UGT3A1: variants seen among roughly 807,000 people sequenced by gnomAD.
The protein encoded by UGT3A1 is UDP-glycosyltransferase 3A1.
In UGT3A1, 40 loss-of-function variants were observed where a neutral mutation model predicts 37.6. The ratio of observed to expected loss-of-function variants is 1.06; its 90% CI spans 0.83 to 1.38. The LOEUF is 1.38. UGT3A1 is among the 40% of genes most tolerant of loss of function. The pLI, the probability that UGT3A1 is intolerant of heterozygous loss-of-function variation, is 0.00. For synonymous variants in UGT3A1, 256 were observed against 232.3 expected, an observed-to-expected ratio of 1.10 and a Z score of -0.93; for missense variants, 642 against 634.2, an observed-to-expected ratio of 1.01 and a Z score of -0.13.
chr5:35,958,983 AG>A (rs1693173599), intron 4 of UGT3A1, among the ~76,000 whole-genome samples: 5 of 152,366 alleles, frequency 3.3e-5, no homozygotes, highest in Admixed American at 3.3e-4. Flanking sequence ...GGGATACTGC[AG>A]ACCTATGAAG....
At chr5:35,993,912 AAC>A (rs1741028702), upstream of UGT3A1, among the ~76,000 whole-genome samples, 1 of 32,514 alleles carries the variant, frequency 3.1e-5, no homozygotes, top group Non-Finnish European at 8.9e-5. Flanking sequence ...TTATTAAACA[AAC>A]AAACAAACAA....
rs1561453293 is a variant in UGT3A1 at position 35,955,712 on chromosome 5, T to C, written c.1228A>G (p.Ile410Val). Residue 410 changes from isoleucine to valine, a missense_variant, in exon 6 of 7, where the codon ATC becomes GTC. Coordinates refer to ENST00000274278, the MANE Select transcript of UGT3A1 (RefSeq NM_152404.4). Reference protein sequence around the residue: ...RVVAKNYGVSIRLNQVTADTL... With the variant: ...RVVAKNYGVSVRLNQVTADTL... ...TCGGCTGTGACCTGATTCAACCGGA[T>C]AGAGACACCATAATTTTTGGCTACT... The C allele has an allele frequency of 6.2e-7, 1 of 1,614,230 alleles. No individual in the cohort carries two copies.
Position 35,953,141 on chromosome 5 carries a change from A to T in UGT3A1, c.*1061T>A, listed in dbSNP as rs1739228849. 1 of 152,342 alleles carries T rather than the reference A, an allele frequency of 6.6e-6. No homozygotes were observed. Among genetic ancestry groups the T allele is most frequent in the Non-Finnish European group, 1.5e-5 (1 of 68,038 alleles). 9.4% of individuals were successfully genotyped at this position (152,342 alleles called of 1,614,324 possible). The stretch of plus-strand genomic sequence containing the variant: ...ATTTCATTTTATTTCAGAACTCTAA[A>T]GCAAATAAAAAGGTACAATCATTTG... On this transcript the variant is annotated 3_prime_UTR_variant, in exon 7 of 7. Transcript: ENST00000274278.
intron 3 of UGT3A1, among the ~76,000 whole-genome samples, chr5:35,966,557 T>C (rs1024804412): frequency 2.0e-5 from 3 of 152,208 alleles, no homozygotes; most frequent in African/African-American, 7.2e-5. Context: ...GGCTGGAACA[T>C]GCTAAAGTTT....
chr5:35,968,026 C>A lies in UGT3A1; in HGVS notation c.304G>T (p.Asp102Tyr). Residue 102 changes from aspartate (D) to tyrosine (Y), a missense_variant, in exon 3 of 7, where the codon GAT (aspartate) becomes TAT (tyrosine). Asp to Tyr is a radical substitution (Grantham distance 160). Transcript: ENST00000274278. ...HFDSYIETALDGRKESEALVK... is the reference protein window; with the variant it reads ...HFDSYIETALYGRKESEALVK... ...AGAATGAAAAGAAGTTACCTGCCATCCAATGCTGTTTCTATGTAGCTATCA... is the reference window on the plus strand; with the variant it reads ...AGAATGAAAAGAAGTTACCTGCCATACAATGCTGTTTCTATGTAGCTATCA... 6.2e-7 allele frequency: 1 copy of A among 1,611,042 alleles called. No homozygotes were observed. The highest frequency in any genetic ancestry group is 8.5e-7 in the Non-Finnish European group (1 of 1,178,904).
chr5:35,984,550 A>G (rs1580957622), intron 2 of UGT3A1, among the ~76,000 whole-genome samples: 1 of 149,396 alleles, frequency 6.7e-6, no homozygotes, highest in Non-Finnish European at 1.5e-5. Flanking sequence ...TCGGCTCACT[A>G]CAACCTCTGC....
upstream of UGT3A1, among the ~76,000 whole-genome samples, chr5:35,992,343 C>A (rs915619032): frequency 2.0e-5 from 3 of 152,116 alleles, no homozygotes; most frequent in African/African-American, 7.2e-5. Flanking sequence ...GACAGATGCA[C>A]AAACATACAC....
At chr5:35,991,109 G>A (rs1580967407) in intron 1 of UGT3A1, 38 bp downstream of exon 1, 2 of 1,614,158 alleles carry the variant, frequency 1.2e-6, no homozygotes, top group Non-Finnish European at 1.7e-6. Flanking sequence ...GGGGATCCGG[G>A]ACGCGCCTGT....
intron 1 of UGT3A1, among the ~76,000 whole-genome samples, chr5:35,990,779 C>T (rs1159961156): frequency 6.6e-6 from 1 of 152,166 alleles, no homozygotes; most frequent in African/African-American, 2.4e-5. Flanking sequence ...TGTGCACCTC[C>T]CGGCCCCATG....
intron 2 of UGT3A1, among the ~76,000 whole-genome samples, chr5:35,968,869 G>C (rs1437247669): frequency 1.3e-5 from 2 of 152,158 alleles, no homozygotes; most frequent in African/African-American, 2.4e-5. Flanking sequence ...CTCAATTCAA[G>C]TTTCAATCAG....
In UGT3A1 at chr5:35,963,067, T is replaced by C. The variant is rs1739654772; in HGVS notation, c.843+2319A>G. ...TTCTCTTCCATCTGTTGTCCCTGAG[T>C]CCTGGCAACTTTATGGATGCCACCC... On this transcript the variant is annotated intron_variant, in intron 4 of 6. Coordinates refer to ENST00000274278, the MANE Select transcript of UGT3A1 (RefSeq NM_152404.4). 1.7e-5 allele frequency: 11 copies of C among 633,190 alleles called. No homozygotes were observed. The South Asian group carries it at 1.8e-4, about 10-fold the overall frequency. 39.2% of individuals were successfully genotyped at this position (633,190 alleles called of 1,614,324 possible). A position where few individuals can be genotyped will look rare whatever the true frequency, so the allele number is the denominator to read the frequency against.
chr5:35,991,576 G>A, upstream of UGT3A1: 2 of 1,066,866 alleles, frequency 1.9e-6, no homozygotes, highest in Non-Finnish European at 2.3e-6. Flanking sequence ...GGAATGACAG[G>A]GGCCTCAGTA....
chr5:35,955,361 A>C (rs1392729218), intron 6 of UGT3A1: 1 of 572,936 alleles, frequency 1.7e-6, no homozygotes, highest in African/African-American at 1.9e-5. Flanking sequence ...TTCAGTTGGA[A>C]TTCCACTAGA....
intron 5 of UGT3A1, 145 bp from the exon 6 acceptor site, chr5:35,956,009 T>C (rs1275092101): frequency 1.2e-6 from 1 of 816,478 alleles, no homozygotes; most frequent in Non-Finnish European, 1.9e-6. Context: ...GACACACAAG[T>C]GTGAACATTC....
chr5:35,997,848 C>T (rs942425575), intron 1 of UGT3A1, among the ~76,000 whole-genome samples: 1 of 152,208 alleles, frequency 6.6e-6, no homozygotes, highest in African/African-American at 2.4e-5. Context: ...AGTTAGCCAT[C>T]AAGGGACACA....
chr5:35,979,105 T>C (rs1296670714), intron 2 of UGT3A1, among the ~76,000 whole-genome samples: 1 of 152,138 alleles, frequency 6.6e-6, no homozygotes, highest in Non-Finnish European at 1.5e-5. Context: ...TTGCAAGGTA[T>C]AGACTCCATC....
At chr5:35,972,866 G>T (rs1740103783) in intron 2 of UGT3A1, among the ~76,000 whole-genome samples, 2 of 143,260 alleles carry the variant, frequency 1.4e-5, no homozygotes, top group South Asian at 4.9e-4. Context: ...TTAATGACCT[G>T]AAAGCTTCTT....
intron 1 of UGT3A1, among the ~76,000 whole-genome samples, chr5:36,000,406 T>A (rs1741193169): frequency 1.3e-5 from 2 of 152,218 alleles, no homozygotes; most frequent in Non-Finnish European, 2.9e-5. Context: ...ACCCAGAGAT[T>A]TTGTCTATTG....
Position 35,965,688 on chromosome 5 carries a change from A to G in UGT3A1, c.541T>C (p.Leu181=). The change falls in exon 4 of 7, where the codon TTG becomes CTG. Residue 181 remains leucine (L), a synonymous_variant. Transcript: ENST00000274278. ...GSLDFGLPSP[L]SYVPVFPSLL... The stretch of plus-strand genomic sequence containing the variant: ...GAAGGGAATACTGGAACATAAGACA[A>G]GGGGCTTGGTAGCCCAAAATCCAAA... 1 of 1,614,206 alleles carries G rather than the reference A, an allele frequency of 6.2e-7. No homozygotes were observed. The highest frequency in any genetic ancestry group is 8.5e-7 in the Non-Finnish European group (1 of 1,180,038).
Sources: gnomAD v4.1 joint callset for allele counts (sites outside exome capture counted in the v4.1 genomes callset) on GRCh38, gnomAD v4.1.1 for gene constraint, MANE v1.5 for transcripts, NCBI Gene and HGNC (gene_info 2026-07-23, HGNC 2026-07-21) for gene names.